RNF38: variants seen among roughly 807,000 people sequenced by gnomAD.
RNF38 encodes ring finger protein 38.
A neutral mutation model predicts 67.2 loss-of-function variants in RNF38; 15 were observed. That is an observed-to-expected ratio of 0.22 (90% CI 0.15 to 0.34). The LOEUF (loss-of-function observed/expected upper bound fraction) is 0.34. Ranked by LOEUF, RNF38 falls within the 10% of genes least tolerant of loss-of-function variation. The pLI is 1.00. For synonymous variants in RNF38, 220 were observed against 218.8 expected, an observed-to-expected ratio of 1.01 and a Z score of -0.05; for missense variants, 524 against 639.9, an observed-to-expected ratio of 0.82 and a Z score of 1.95.
In RNF38 at chr9:36,363,020, G is replaced by A. The variant is rs371639849; in HGVS notation, c.571-5078C>T. Among the ~76,000 whole-genome samples the A allele has an allele frequency of 2.2e-4, 22 of 99,130 alleles. 7 individuals carry two copies. The highest frequency in any genetic ancestry group is 6.0e-4 in the African/African-American group (20 of 33,104). The allele number at this position is 99,130 out of a possible 152,430, so 65.0% of individuals were successfully genotyped here. On this transcript the variant is annotated intron_variant, in intron 4 of 11. Coordinates refer to ENST00000259605, the MANE Select transcript of RNF38 (RefSeq NM_022781.5). ...TTAAATACCTTTTCGCTGTCTTCAC[G>A]GTGATTAATTGTTTCAGTCTATGAG...
intron 2 of RNF38, among the ~76,000 whole-genome samples, chr9:36,377,278 G>T (rs891550017): frequency 1.3e-5 from 2 of 152,146 alleles, no homozygotes; most frequent in African/African-American, 4.8e-5. Flanking sequence ...GGGCATTACA[G>T]TACTTTTGGT....
intron 2 of RNF38, among the ~76,000 whole-genome samples, chr9:36,389,127 T>C (rs1408281980): frequency 6.6e-6 from 1 of 151,818 alleles, no homozygotes; most frequent in African/African-American, 2.4e-5. Flanking sequence ...TGTTCTAAGG[T>C]TCAAGGAAAA....
chr9:36,340,270 C>T (rs1169878900), intron 11 of RNF38, among the ~76,000 whole-genome samples: 4 of 152,156 alleles, frequency 2.6e-5, no homozygotes, highest in East Asian at 1.9e-4. Context: ...TGAGCCACTG[C>T]GCCTGGCCGC....
chr9:36,485,507 G>A (rs1039972220), intron 1 of RNF38, among the ~76,000 whole-genome samples: 1 of 152,188 alleles, frequency 6.6e-6, no homozygotes, highest in Non-Finnish European at 1.5e-5. Flanking sequence ...CAACCTGATC[G>A]GTGTGAAATG....
intron 6 of RNF38, among the ~76,000 whole-genome samples, chr9:36,353,980 CA>C (rs1388273827): frequency 6.6e-6 from 1 of 152,006 alleles, no homozygotes; most frequent in African/African-American, 2.4e-5. Context: ...CAAACAAAAA[CA>C]AAAACAAAAG....
upstream of RNF38, among the ~76,000 whole-genome samples, chr9:36,405,919 A>G (rs192631978): frequency 6.6e-6 from 1 of 152,212 alleles, no homozygotes; most frequent in African/African-American, 2.4e-5. Context: ...TATACAGTTT[A>G]TTTTTGTGAC....
chr9:36,464,824 G>A (rs1839822630), intron 1 of RNF38, among the ~76,000 whole-genome samples: 1 of 152,104 alleles, frequency 6.6e-6, no homozygotes, highest in African/African-American at 2.4e-5. Flanking sequence ...CCAAAAATAT[G>A]TAATATATAA....
chr9:36,364,752 G>C (rs1160045879), intron 4 of RNF38, among the ~76,000 whole-genome samples: 1 of 152,164 alleles, frequency 6.6e-6, no homozygotes, highest in African/African-American at 2.4e-5. Context: ...GAATCACCTG[G>C]AGGGCATGGT....
chr9:36,390,529 G>C lies in RNF38; in HGVS notation c.100C>G (p.Leu34Val). The C allele has an allele frequency of 1.2e-6, 2 of 1,614,046 alleles. No individual in the cohort carries two copies. Among genetic ancestry groups the C allele is most frequent in the Non-Finnish European group, 1.7e-6 (2 of 1,179,914 alleles). ...GTAGTGTTCTGATCACTTGGGAGGA[G>C]AGGGAACAGGCTCTGAAGTCTCACC... is the stretch of plus-strand genomic sequence containing the variant. ...ERVRLQSLFP[L>V]LPSDQNTTVQ... is the part of the protein sequence containing the mutation. The change falls in exon 2 of 12, where the codon CTC becomes GTC. Residue 34 changes from leucine (L) to valine (V), a missense_variant. Leu to Val is a conservative substitution (Grantham distance 32). This residue lies in a region of RNF38 where 461 missense variants were observed against 517.4 expected (regional missense o/e 0.89). Transcript: ENST00000259605.
intron 5 of RNF38, among the ~76,000 whole-genome samples, chr9:36,357,338 G>C (rs1442095207): frequency 2.6e-5 from 4 of 152,128 alleles, no homozygotes; most frequent in Non-Finnish European, 5.9e-5. Context: ...CCTATAGTAA[G>C]GAATAAGACA....
chr9:36,380,210 TG>T lies in RNF38; in HGVS notation c.163-4084del, dbSNP rs1427176055. Among the ~76,000 whole-genome samples, 5 of 152,364 alleles carry T rather than the reference TG, an allele frequency of 3.3e-5. No individual in the cohort carries two copies. The South Asian group carries it at 6.2e-4, about 19-fold the overall frequency. On this transcript the variant is annotated intron_variant, in intron 2 of 11. Coordinates refer to ENST00000259605, the MANE Select transcript of RNF38 (RefSeq NM_022781.5). ...CTTAAATATAACATACTTTTTTGCT[TG>T]TTTTTTGAGATGGAGCTTTGCTTTT...
rs1838603589 is a variant in RNF38 at position 36,420,758 on chromosome 9, AC to A, written n.312+3854del. On this transcript the variant is annotated intron_variant and non_coding_transcript_variant, in intron 2 of 3. Coordinates refer to the RNF38 transcript ENST00000488058. ...GTATGTAGTAGCTACTCAAATATAA[AC>A]GTTTGCCACCTAGAAATTATGGAAT... Among the ~76,000 whole-genome samples, 4 of 152,210 alleles carry A rather than the reference AC, an allele frequency of 2.6e-5. No individual in the cohort carries two copies. In the South Asian group the frequency reaches 8.3e-4, roughly 32 times the overall value.
rs1416849447 is a variant in RNF38 at position 36,409,333 on chromosome 9, G to A, written n.312+15280C>T. Among the ~76,000 whole-genome samples, 5 of 150,096 alleles carry A rather than the reference G, an allele frequency of 3.3e-5. No homozygotes were observed. The South Asian group carries it at 8.5e-4, about 25-fold the overall frequency. ...AAAGAAAGAAAGAAAGAAAAAGAAAGAAAGAAAGAAAGAAAAAAAGAAAGA... is the reference window on the plus strand; with the variant it reads ...AAAGAAAGAAAGAAAGAAAAAGAAAAAAAGAAAGAAAGAAAAAAAGAAAGA... On this transcript the variant is annotated intron_variant and non_coding_transcript_variant, in intron 2 of 3. Transcript: ENST00000488058.
At chr9:36,415,974 A>G (rs899758631) in intron 2 of RNF38, among the ~76,000 whole-genome samples, 6 of 151,824 alleles carry the variant, frequency 4.0e-5, no homozygotes, top group African/African-American at 1.5e-4. Flanking sequence ...TACAACATCG[A>G]CTGCAGTAGT....
chr9:36,406,614 C>T (rs895163066), intron 2 of RNF38, among the ~76,000 whole-genome samples: 2 of 152,196 alleles, frequency 1.3e-5, no homozygotes, highest in African/African-American at 4.8e-5. Flanking sequence ...AAGGGGTTAG[C>T]ACATACCATG....
intron 1 of RNF38, among the ~76,000 whole-genome samples, chr9:36,465,426 A>C (rs1261043936): frequency 6.6e-6 from 1 of 152,042 alleles, no homozygotes; most frequent in African/African-American, 2.4e-5. Context: ...GGCTCACTGC[A>C]ACTTCCACTA....
At chr9:36,451,491 G>GTTTTTT (rs374396585) in intron 1 of RNF38, among the ~76,000 whole-genome samples, 3 of 58,670 alleles carry the variant, frequency 5.1e-5, no homozygotes, top group Non-Finnish European at 9.2e-5. Context: ...AATTGTAGTA[G>GTTTTTT]TTTTTTTTTT....
chr9:36,455,571 A>T (rs139456717), intron 1 of RNF38, among the ~76,000 whole-genome samples: 4,716 of 152,036 alleles, frequency 0.031, 167 homozygotes, highest in Admixed American at 0.11. Context: ...TCATGAGGTC[A>T]GGAGTTCAAG....
rs375661109 is a variant in RNF38 at position 36,443,070 on chromosome 9, G to A, written n.242-18387C>T. ...AAGAGGTGTCCATCCCCCAATTACGGCTTTGTTTCAAACACAGGCTTATGC... is the reference window on the plus strand; with the variant it reads ...AAGAGGTGTCCATCCCCCAATTACGACTTTGTTTCAAACACAGGCTTATGC... On this transcript the variant is annotated intron_variant and non_coding_transcript_variant, in intron 1 of 3. Coordinates refer to the RNF38 transcript ENST00000488058. Among the ~76,000 whole-genome samples the A allele has an allele frequency of 2.0e-5, 3 of 152,270 alleles. No individual in the cohort carries two copies. In the South Asian group the frequency reaches 6.2e-4, roughly 32 times the overall value.
Sources: gnomAD v4.1 joint callset for allele counts (sites outside exome capture counted in the v4.1 genomes callset) on GRCh38, gnomAD v4.1.1 for gene constraint, gnomAD v4.1.1 regional missense constraint, MANE v1.5 for transcripts, NCBI Gene and HGNC (gene_info 2026-07-23, HGNC 2026-07-21) for gene names.